The following SFMBT2 variants were observed in gnomAD, a reference collection of about 807,000 sequenced individuals.
SFMBT2 encodes the protein Scm like with four mbt domains 2, also known as scm-like with four MBT domains protein 2.
SFMBT2 carries 38 observed loss-of-function variants against 110.1 expected under a neutral mutation model. The ratio of observed to expected loss-of-function variants is 0.35; its 90% CI spans 0.27 to 0.45. The LOEUF is 0.45. Among genes scored for constraint, SFMBT2 ranks in the 20% least tolerant of loss-of-function variants. The probability of loss-of-function intolerance (pLI) is 1.00; values close to 1 mark genes in which losing one functional copy is unlikely to be tolerated. For synonymous variants in SFMBT2, 425 were observed against 425.4 expected, an observed-to-expected ratio of 1.00 and a Z score of 0.01; for missense variants, 1,011 against 1,094.9, an observed-to-expected ratio of 0.92 and a Z score of 1.08.
At chr10:7,352,827 T>C (rs1844367283) in intron 4 of SFMBT2, among the ~76,000 whole-genome samples, 1 of 152,012 alleles carries the variant, frequency 6.6e-6, no homozygotes, top group Non-Finnish European at 1.5e-5. Context: ...CTGGCTAACA[T>C]GGTGAAACCC....
intron 11 of SFMBT2, among the ~76,000 whole-genome samples, chr10:7,214,162 C>T (rs148553637): frequency 1.3e-5 from 2 of 152,260 alleles, no homozygotes; most frequent in African/African-American, 4.8e-5. Context: ...CAAGAAACAA[C>T]CAACCAAAGC....
In SFMBT2 at chr10:7,220,536, G is replaced by A. The variant is rs200930460; in HGVS notation, c.1205C>T (p.Thr402Ile). The A allele has an allele frequency of 5.0e-6, 8 of 1,614,098 alleles. No homozygotes were observed. In the African/African-American group the frequency reaches 9.3e-5, roughly 19 times the overall value. Residue 402 changes from threonine to isoleucine, a missense_variant and splice_region_variant, in exon 11 of 21, where the codon ACA (threonine) becomes ATA (isoleucine). By Grantham distance (89) the Thr-to-Ile change is moderately conservative. Around this residue, in one of 2 missense-constraint regions of SFMBT2, gnomAD observed 979 missense variants for 1,016.1 expected, o/e 0.96. Coordinates refer to ENST00000397167, the MANE Select transcript of SFMBT2 (RefSeq NM_001387889.1). ...CTTTGTGAAACCTCGACTGAATGAT[G>A]TCTGCAAGAGAAACGAGACCAACAC... is the stretch of plus-strand genomic sequence containing the variant. ...QEAPPFCFRN[T>I]SFSRGFTKNM...
intron 4 of SFMBT2, among the ~76,000 whole-genome samples, chr10:7,317,471 A>G (rs1056418928): frequency 2.0e-5 from 3 of 151,928 alleles, no homozygotes; most frequent in Non-Finnish European, 4.4e-5. Context: ...GAGAAACCCC[A>G]TCTCTACTGA....
intron 15 of SFMBT2, among the ~76,000 whole-genome samples, chr10:7,196,010 G>A (rs912383961): frequency 2.6e-5 from 4 of 151,938 alleles, no homozygotes; most frequent in African/African-American, 9.7e-5. Flanking sequence ...CTTTAACTAC[G>A]AATACCACTG....
Position 7,227,917 on chromosome 10 carries a change from C to A in SFMBT2, c.1141G>T (p.Asp381Tyr). ...PPKGYSGQDFDWADYHKQHGA... is the reference protein window; with the variant it reads ...PPKGYSGQDFYWADYHKQHGA... The stretch of plus-strand genomic sequence containing the variant: ...TGCTGCTTGTGATAATCTGCCCAGT[C>A]GAAGTCCTGGCCAGAGTAACCTGGG... The change falls in exon 10 of 21, where the codon GAC becomes TAC. Residue 381 changes from aspartate to tyrosine, a missense_variant. By Grantham distance (160) the Asp-to-Tyr change is radical. Coordinates refer to ENST00000397167, the MANE Select transcript of SFMBT2 (RefSeq NM_001387889.1). 6.2e-7 allele frequency: 1 copy of A among 1,602,146 alleles called. No individual in the cohort carries two copies. The highest frequency in any genetic ancestry group is 1.1e-5 in the South Asian group (1 of 88,368).
chr10:7,395,246 T>A (rs554038083), intron 1 of SFMBT2, among the ~76,000 whole-genome samples: 1 of 152,258 alleles, frequency 6.6e-6, no homozygotes, highest in South Asian at 2.1e-4. Context: ...GCCACTGCAC[T>A]GCAGCCTGGG....
intron 7 of SFMBT2, among the ~76,000 whole-genome samples, chr10:7,251,118 T>C (rs377315785): frequency 1.3e-5 from 2 of 151,756 alleles, no homozygotes; most frequent in Non-Finnish European, 2.9e-5. Context: ...ATTAATCACA[T>C]GTACCCCAAA....
At chr10:7,395,130 C>A (rs567618990) in intron 1 of SFMBT2, among the ~76,000 whole-genome samples, 31 of 152,234 alleles carry the variant, frequency 2.0e-4, no homozygotes, top group African/African-American at 7.5e-4. Flanking sequence ...ACCAGTCTGG[C>A]CAACATAATG....
chr10:7,207,499 G>T, intron 11 of SFMBT2: 1 of 22,882 alleles, frequency 4.4e-5, no homozygotes, highest in Non-Finnish European at 8.4e-5. Flanking sequence ...GGAAGGAAAG[G>T]GAGGAAGGAA....
At chr10:7,286,478 T>C (rs931037117) in intron 4 of SFMBT2, 1 of 446,456 alleles carries the variant, frequency 2.2e-6, no homozygotes, top group Non-Finnish European at 3.0e-6. Context: ...CCCCTCCATA[T>C]CCATGGGTTC....
intron 1 of SFMBT2, among the ~76,000 whole-genome samples, chr10:7,391,938 G>A (rs1845778123): frequency 6.6e-6 from 1 of 152,184 alleles, no homozygotes; most frequent in East Asian, 1.9e-4. Context: ...ATAAGGTCAT[G>A]TATTTACCAT....
intron 15 of SFMBT2, among the ~76,000 whole-genome samples, chr10:7,195,717 C>T (rs557042368): frequency 6.6e-6 from 1 of 152,302 alleles, no homozygotes; most frequent in Admixed American, 6.5e-5. Context: ...GGGCAGGCCA[C>T]CTGTTCCGCA....
chr10:7,295,535 G>T (rs987948475), intron 4 of SFMBT2, among the ~76,000 whole-genome samples: 2 of 152,230 alleles, frequency 1.3e-5, no homozygotes, highest in African/African-American at 4.8e-5. Context: ...GATTAAGAGC[G>T]ACTGTTACCA....
chr10:7,178,628 C>T (rs1232337349), intron 16 of SFMBT2, among the ~76,000 whole-genome samples: 1 of 152,132 alleles, frequency 6.6e-6, no homozygotes, highest in African/African-American at 2.4e-5. Flanking sequence ...TAGATATTGT[C>T]ACTTGTTGCT....
chr10:7,206,110 CA>C lies in SFMBT2; in HGVS notation c.1331-183del, dbSNP rs1839129020. 5.1e-6 allele frequency: 5 copies of C among 985,344 alleles called. No individual in the cohort carries two copies. The South Asian group carries it at 1.9e-4, about 37-fold the overall frequency. 61.0% of individuals were successfully genotyped at this position (985,344 alleles called of 1,614,324 possible). A position where few individuals can be genotyped will look rare whatever the true frequency, so the allele number is the denominator to read the frequency against. On this transcript the variant is annotated intron_variant, in intron 11 of 20. Transcript: ENST00000397167. ...ACTTTAGAGGAGTCTTTAATCTTAT[CA>C]GAGACAAAACTCCTTGAAATATAAA...
At chr10:7,206,914 CAT>C (rs1250581020) in intron 11 of SFMBT2, 3 of 985,292 alleles carry the variant, frequency 3.0e-6, no homozygotes, top group East Asian at 2.3e-4. Context: ...TTGGTTTCCT[CAT>C]TGAGAACCAA....
At chr10:7,348,414 T>C in intron 4 of SFMBT2, 1 of 1,205,458 alleles carries the variant, frequency 8.3e-7, no homozygotes, top group Non-Finnish European at 1.1e-6. Context: ...GGGCTCTTCA[T>C]AACTACTGTG....
At chr10:7,398,724 T>C (rs2132119279) in intron 1 of SFMBT2, among the ~76,000 whole-genome samples, 1 of 152,336 alleles carries the variant, frequency 6.6e-6, no homozygotes, top group East Asian at 1.9e-4. Flanking sequence ...TCTCTGTCCC[T>C]TATAAATATT....
At chr10:7,382,026 A>T (rs950654746) in intron 1 of SFMBT2, 77 bp from the exon 2 acceptor site, 140 of 761,052 alleles carry the variant, frequency 1.8e-4, no homozygotes, top group Middle Eastern at 3.9e-4. Context: ...AATTTTGTTT[A>T]AAAAAAACCT....
Sources: gnomAD v4.1 joint callset for allele counts (sites outside exome capture counted in the v4.1 genomes callset) on GRCh38, gnomAD v4.1.1 for gene constraint, gnomAD v4.1.1 regional missense constraint, MANE v1.5 for transcripts, NCBI Gene and HGNC (gene_info 2026-07-23, HGNC 2026-07-21) for gene names.